The following UNC13B variants were observed in gnomAD, a reference collection of about 807,000 sequenced individuals.
UNC13B encodes unc-13 homolog B.
A neutral mutation model predicts 211.0 loss-of-function variants in UNC13B; 144 were observed. The observed-to-expected ratio is 0.68, with a 90% CI of 0.60 to 0.78. UNC13B has a LOEUF of 0.78. UNC13B is among the 30% of genes least tolerant of loss of function. The probability of loss-of-function intolerance (pLI) is 0.00; values close to 1 mark genes in which losing one functional copy is unlikely to be tolerated. For synonymous variants in UNC13B, 709 were observed against 725.8 expected (o/e 0.98, Z 0.37); for missense variants, 1,777 against 2,002.0 (o/e 0.89, Z 2.14).
intron 1 of UNC13B, among the ~76,000 whole-genome samples, chr9:35,202,186 C>A (rs1469859412): frequency 6.6e-5 from 10 of 152,172 alleles, no homozygotes; most frequent in Non-Finnish European, 1.5e-4. Flanking sequence ...AGTTTGATTG[C>A]ACTGTAGTCT....
At position 35,310,594 on chromosome 9, in the gene UNC13B, C is replaced by T. The variant is rs1830136505; in HGVS notation, c.9136C>T (p.His3046Tyr). 1.9e-6 allele frequency: 3 copies of T among 1,613,990 alleles called. No homozygotes were observed. Among genetic ancestry groups the T allele is most frequent in the East Asian group, 2.2e-5 (1 of 44,866 alleles). The stretch of plus-strand genomic sequence containing the variant: ...GGAGACGGACTCGATTCATTCTTGC[C>T]ACAGCTCTCACAGCCTGTCCAGAGA... ...HRETDSIHSC[H>Y]SSHSLSRDGQ... The change falls in exon 10 of 40, where the codon CAC (histidine) becomes TAC (tyrosine). Residue 3046 changes from histidine to tyrosine, a missense_variant. By Grantham distance (83) the His-to-Tyr change is moderately conservative (BLOSUM62 2). Coordinates refer to ENST00000635942, the MANE Select transcript of UNC13B (RefSeq NM_001371189.2).
chr9:35,371,460 G>A (rs1050390815), intron 13 of UNC13B, among the ~76,000 whole-genome samples: 3 of 151,600 alleles, frequency 2.0e-5, no homozygotes, highest in Admixed American at 6.6e-5. Context: ...GATTACAGGC[G>A]TGAGCCACCA....
chr9:35,381,983 A>G (rs1427399096), intron 20 of UNC13B, among the ~76,000 whole-genome samples: 2 of 152,150 alleles, frequency 1.3e-5, no homozygotes, highest in Admixed American at 6.5e-5. Context: ...GAGAGTATGC[A>G]AGGACAACCT....
At chr9:35,199,831 G>A (rs1823174848) in intron 1 of UNC13B, among the ~76,000 whole-genome samples, 1 of 151,916 alleles carries the variant, frequency 6.6e-6, no homozygotes, top group African/African-American at 2.4e-5. Flanking sequence ...CTGTGCAGAA[G>A]CTCTTTAGTT....
intron 7 of UNC13B, among the ~76,000 whole-genome samples, chr9:35,268,394 C>T (rs1174807891): frequency 4.6e-5 from 7 of 152,112 alleles, no homozygotes; most frequent in Non-Finnish European, 1.0e-4. Flanking sequence ...CTGAGGCAGG[C>T]AGATCATGAG....
At chr9:35,403,322 G>T (rs568425524) in intron 38 of UNC13B, 63 bp downstream of exon 38, 102 of 1,603,952 alleles carry the variant, frequency 6.4e-5, no homozygotes, top group Admixed American at 1.7e-4. Flanking sequence ...TCACTCAAAA[G>T]CAGGGGCTGC....
At chr9:35,281,123 G>A (rs778870612) in intron 7 of UNC13B, among the ~76,000 whole-genome samples, 3 of 151,242 alleles carry the variant, frequency 2.0e-5, no homozygotes, top group East Asian at 1.9e-4. Flanking sequence ...GGTGGCATGC[G>A]CCTGTAGTCC....
chr9:35,201,524 G>A (rs1187302902), intron 1 of UNC13B, among the ~76,000 whole-genome samples: 1 of 152,144 alleles, frequency 6.6e-6, no homozygotes, highest in Non-Finnish European at 1.5e-5. Flanking sequence ...CCTGTTATTG[G>A]TCTATTCAGG....
Position 35,400,426 on chromosome 9 carries a change from G to C in UNC13B, c.12467G>C (p.Arg4156Pro). The C allele has an allele frequency of 6.2e-7, 1 of 1,612,946 alleles. No homozygotes were observed. The highest frequency in any genetic ancestry group is 8.5e-7 in the Non-Finnish European group (1 of 1,179,440). Residue 4156 changes from arginine to proline, a missense_variant, in exon 37 of 40, where the codon CGC (arginine) becomes CCC (proline). Physicochemically the swap from Arg to Pro is moderately radical, Grantham distance 103. Coordinates refer to ENST00000635942, the MANE Select transcript of UNC13B (RefSeq NM_001371189.2). ...TTDTLIKTFV[R>P]SQTTQGSGVD... is the part of the protein sequence containing the mutation. ...GACACTCTCATCAAGACCTTTGTGCGCTCGCAGACCACCCAAGGTAAGGCC... is the reference window on the plus strand; with the variant it reads ...GACACTCTCATCAAGACCTTTGTGCCCTCGCAGACCACCCAAGGTAAGGCC...
At position 35,300,807 on chromosome 9, in the gene UNC13B, C is replaced by T. The variant is rs1829641191; in HGVS notation, c.1403C>T (p.Thr468Met). ...TMDELQCLVE[T>M]VSEYLAEKEE... Reference sequence around the variant, plus strand: ...GATGAGCTTCAGTGTTTGGTAGAAACGGTGTCAGAATATTTAGCAGAGAAG... The same window carrying T: ...GATGAGCTTCAGTGTTTGGTAGAAATGGTGTCAGAATATTTAGCAGAGAAG... Residue 468 changes from threonine (T) to methionine (M), a missense_variant, in exon 9 of 40, where the codon ACG (threonine) becomes ATG (methionine). By Grantham distance (81) the Thr-to-Met change is moderately conservative. Coordinates refer to ENST00000635942, the MANE Select transcript of UNC13B (RefSeq NM_001371189.2). The T allele has an allele frequency of 2.5e-5, 10 of 398,668 alleles. No individual in the cohort carries two copies. The highest frequency in any genetic ancestry group is 6.2e-4 in the Middle Eastern group (1 of 1,610). The allele number at this position is 398,668 out of a possible 1,614,324, so 24.7% of individuals were successfully genotyped here. A position where few individuals can be genotyped will look rare whatever the true frequency, so the allele number is the denominator to read the frequency against.
chr9:35,403,069 G>T, intron 37 of UNC13B, 98 bp from the exon 38 acceptor site: 2 of 978,060 alleles, frequency 2.0e-6, no homozygotes, highest in South Asian at 2.9e-5. Context: ...TGTGGTGATT[G>T]CTTCTTGCTT....
intron 1 of UNC13B, among the ~76,000 whole-genome samples, chr9:35,213,281 C>T (rs935085427): frequency 6.6e-6 from 1 of 152,024 alleles, no homozygotes; most frequent in Admixed American, 6.5e-5. Flanking sequence ...GGGTTAGTAC[C>T]CTTATAAGAA....
intron 11 of UNC13B, among the ~76,000 whole-genome samples, chr9:35,358,819 G>A (rs1833208204): frequency 6.6e-6 from 1 of 150,608 alleles, no homozygotes; most frequent in Admixed American, 6.7e-5. Flanking sequence ...TCAGCCTTCT[G>A]AGTAGACTAG....
intron 1 of UNC13B, among the ~76,000 whole-genome samples, chr9:35,209,003 A>G (rs1190791804): frequency 1.3e-5 from 2 of 152,192 alleles, no homozygotes; most frequent in African/African-American, 4.8e-5. Flanking sequence ...AAAATTATCT[A>G]TAATTTTCTC....
At chr9:35,378,535 GGC>G (rs1834601786) in intron 17 of UNC13B, 99 bp downstream of exon 17, 1 of 1,504,556 alleles carries the variant, frequency 6.6e-7, no homozygotes, top group African/African-American at 1.4e-5. Context: ...ATTGGGCAAA[GGC>G]AGGGGAGAAA....
At chr9:35,385,683 A>G (rs767480714) in intron 22 of UNC13B, 41 bp from the exon 23 acceptor site, 37 of 1,548,718 alleles carry the variant, frequency 2.4e-5, no homozygotes, top group Non-Finnish European at 3.1e-5. Flanking sequence ...AGGTTTTCAT[A>G]GTCCTCTGTT....
Position 35,295,666 on chromosome 9 carries a change from G to A in UNC13B, c.527-30G>A, listed in dbSNP as rs772637215. On this transcript the variant is annotated intron_variant, in intron 7 of 39. Coordinates refer to ENST00000635942, the MANE Select transcript of UNC13B (RefSeq NM_001371189.2). ...TTCTGAAGAACTAAATAAAGCTGGGGTGCTTTGATTGAATGTGCTTATTCC... is the reference window on the plus strand; with the variant it reads ...TTCTGAAGAACTAAATAAAGCTGGGATGCTTTGATTGAATGTGCTTATTCC... The A allele has an allele frequency of 2.5e-6, 4 of 1,592,068 alleles. No homozygotes were observed. The African/African-American group carries it at 4.0e-5, about 16-fold the overall frequency.
chr9:35,316,101 T>C (rs1481814456), intron 11 of UNC13B, among the ~76,000 whole-genome samples: 2 of 152,222 alleles, frequency 1.3e-5, no homozygotes, highest in African/African-American at 2.4e-5. Flanking sequence ...GATATGCTGG[T>C]ATTTTGTTCC....
At chr9:35,279,153 A>G (rs1828344372) in intron 7 of UNC13B, among the ~76,000 whole-genome samples, 1 of 152,184 alleles carries the variant, frequency 6.6e-6, no homozygotes, top group Admixed American at 6.6e-5. Context: ...AAACATTTTT[A>G]TCCCCCTCAA....
Sources: allele counts gnomAD v4.1 joint callset (sites outside exome capture counted in the v4.1 genomes callset), GRCh38; gene constraint gnomAD v4.1.1; transcripts MANE v1.5; gene names NCBI Gene and HGNC (gene_info 2026-07-23, HGNC 2026-07-21).